GPC6: variants seen among roughly 807,000 people sequenced by gnomAD.
GPC6 encodes the protein glypican 6.
GPC6 carries 14 observed loss-of-function variants against 55.2 expected under a neutral mutation model. The ratio of observed to expected loss-of-function variants is 0.25; its 90% CI spans 0.17 to 0.40. The LOEUF is 0.40. Ranked by LOEUF, GPC6 falls within the 10% of genes least tolerant of loss-of-function variation. The pLI is 1.00. For missense variants in GPC6, 641 were observed against 708.5 expected, an observed-to-expected ratio of 0.90 and a Z score of 1.08; for synonymous variants, 278 against 259.6, an observed-to-expected ratio of 1.07 and a Z score of -0.68.
chr13:94,318,507 C>T (rs1207145603), intron 6 of GPC6, among the ~76,000 whole-genome samples: 2 of 152,142 alleles, frequency 1.3e-5, no homozygotes, highest in Non-Finnish European at 2.9e-5. Flanking sequence ...CGTGCGTGCG[C>T]TCTCTAAATA....
chr13:93,952,918 TAC>T (rs1879334387), intron 3 of GPC6, among the ~76,000 whole-genome samples: 1 of 149,278 alleles, frequency 6.7e-6, no homozygotes, highest in Admixed American at 6.7e-5. Flanking sequence ...TGTATATATA[TAC>T]ACGTATATAT....
At chr13:94,317,776 A>AT (rs1216566936) in intron 6 of GPC6, among the ~76,000 whole-genome samples, 1 of 152,106 alleles carries the variant, frequency 6.6e-6, no homozygotes, top group Non-Finnish European at 1.5e-5. Flanking sequence ...ATATTTAGGA[A>AT]TTTTTTTAAG....
chr13:93,769,222 A>G (rs573058359), intron 2 of GPC6, among the ~76,000 whole-genome samples: 1 of 152,296 alleles, frequency 6.6e-6, no homozygotes, highest in Admixed American at 6.5e-5. Context: ...ATGTGAGAAC[A>G]GAAGGAAAAT....
chr13:93,815,277 T>C (rs527596267), intron 2 of GPC6, among the ~76,000 whole-genome samples: 47 of 152,330 alleles, frequency 3.1e-4, no homozygotes, highest in South Asian at 1.0e-3. Flanking sequence ...CATGAATAAT[T>C]ATTTTTGAAA....
At chr13:93,410,596 A>C (rs1007155330) in intron 1 of GPC6, among the ~76,000 whole-genome samples, 9 of 152,202 alleles carry the variant, frequency 5.9e-5, no homozygotes, top group African/African-American at 2.2e-4. Flanking sequence ...ATACAAATTT[A>C]TTACGACAAG....
the GPC6 span, among the ~76,000 whole-genome samples, chr13:93,219,392 C>T: frequency 1.3e-5 from 2 of 152,106 alleles, no homozygotes; most frequent in African/African-American, 2.4e-5. Flanking sequence ...ATGCCAGGCC[C>T]TCTCCTACCC....
intron 2 of GPC6, among the ~76,000 whole-genome samples, chr13:93,678,370 A>G (rs558590595): frequency 2.0e-5 from 3 of 152,300 alleles, no homozygotes; most frequent in East Asian, 1.9e-4. Context: ...GTATTTTGCT[A>G]TGATACACAA....
chr13:93,854,724 T>C (rs949844589), intron 3 of GPC6, among the ~76,000 whole-genome samples: 1 of 151,794 alleles, frequency 6.6e-6, no homozygotes, highest in Non-Finnish European at 1.5e-5. Flanking sequence ...GTCTGCTTGA[T>C]AACACATTAT....
chr13:94,080,640 A>G (rs902529485), intron 4 of GPC6, among the ~76,000 whole-genome samples: 1 of 152,134 alleles, frequency 6.6e-6, no homozygotes, highest in Non-Finnish European at 1.5e-5. Flanking sequence ...CAAATTCAAG[A>G]TTAAGGTGCC....
intron 2 of GPC6, among the ~76,000 whole-genome samples, chr13:93,641,481 T>C (rs563198396): frequency 2.8e-4 from 42 of 152,234 alleles, no homozygotes; most frequent in African/African-American, 9.6e-4. Context: ...TCTTTCTCCA[T>C]GTGTAAAATG....
intron 1 of GPC6, among the ~76,000 whole-genome samples, chr13:93,399,218 G>A (rs1427314543): frequency 2.6e-5 from 4 of 152,282 alleles, no homozygotes; most frequent in East Asian, 1.9e-4. Flanking sequence ...TGAAAGTGCC[G>A]GAAACTGGGA....
intron 2 of GPC6, among the ~76,000 whole-genome samples, chr13:93,594,574 G>A (rs1403618673): frequency 6.6e-6 from 1 of 151,982 alleles, no homozygotes; most frequent in Non-Finnish European, 1.5e-5. Flanking sequence ...CAGGCTCTAA[G>A]ATCAGAGACC....
At chr13:94,232,307 G>A (rs1289975254) in intron 4 of GPC6, among the ~76,000 whole-genome samples, 2 of 152,106 alleles carry the variant, frequency 1.3e-5, no homozygotes, top group Non-Finnish European at 2.9e-5. Flanking sequence ...TTAAGGAAAC[G>A]AGCAGGAGAG....
At chr13:93,673,354 T>C (rs1010638844) in intron 2 of GPC6, among the ~76,000 whole-genome samples, 3 of 152,160 alleles carry the variant, frequency 2.0e-5, no homozygotes, top group African/African-American at 7.2e-5. Flanking sequence ...TCACAGAGAA[T>C]GAAGAATTTA....
chr13:93,684,950 G>T (rs753750920), intron 2 of GPC6, among the ~76,000 whole-genome samples: 18 of 152,078 alleles, frequency 1.2e-4, no homozygotes, highest in Non-Finnish European at 2.2e-4. Context: ...GATGACAAAG[G>T]CTTTTCTGGA....
intron 4 of GPC6, among the ~76,000 whole-genome samples, chr13:94,097,967 C>G (rs1279830756): frequency 2.0e-5 from 3 of 152,086 alleles, no homozygotes; most frequent in African/African-American, 4.8e-5. Flanking sequence ...GGAAATTGCT[C>G]TCATTCAAAA....
intron 4 of GPC6, among the ~76,000 whole-genome samples, chr13:94,186,747 T>A (rs567387354): frequency 3.3e-5 from 5 of 152,330 alleles, no homozygotes; most frequent in African/African-American, 1.2e-4. Context: ...TTTAGTAGAT[T>A]AAATATGCTA....
At position 93,553,369 on chromosome 13, in the gene GPC6, C is replaced by T. The variant is rs555841047; in HGVS notation, c.319+7948C>T. Among the ~76,000 whole-genome samples, 282 of 152,020 alleles carry T rather than the reference C, an allele frequency of 1.9e-3. 1 individual carries two copies. The Middle Eastern group carries it at 0.051, about 28-fold the overall frequency. ...TTATCTGAAAGGATATAACCATGTC[C>T]TGATGGAATACTGCGATGGGCAGGT... is the stretch of plus-strand genomic sequence containing the variant. On this transcript the variant is annotated intron_variant, in intron 2 of 8. Transcript: ENST00000377047.
rs1157974098 is a variant in GPC6, at chr13:93,227,418, G to A, written c.-39G>A. On this transcript the variant is annotated 5_prime_UTR_variant, in exon 1 of 9. Coordinates refer to ENST00000377047, the MANE Select transcript of GPC6 (RefSeq NM_005708.5). The surrounding 1 kb of genome is among the most constrained non-coding windows in gnomAD (Gnocchi z 4.3). ...TGAGGGGCAAGGTGAAGAGCGCACC[G>A]GCCGTGGGGTTTACCGAGCTGGATT... The A allele has an allele frequency of 6.2e-7, 1 of 1,608,276 alleles. No homozygotes were observed. The highest frequency in any genetic ancestry group is 1.3e-5 in the African/African-American group (1 of 74,948).
Sources: gnomAD v4.1 joint callset for allele counts (sites outside exome capture counted in the v4.1 genomes callset) on GRCh38, gnomAD v4.1.1 for gene constraint, Gnocchi (gnomAD v3.1) non-coding constraint, MANE v1.5 for transcripts, NCBI Gene and HGNC (gene_info 2026-07-23, HGNC 2026-07-21) for gene names.